The following GRIK2 variants were observed in gnomAD, a reference collection of about 807,000 sequenced individuals.
The protein encoded by GRIK2 is glutamate receptor ionotropic, kainate 2.
A neutral mutation model predicts 100.3 loss-of-function variants in GRIK2; 32 were observed. The ratio of observed to expected loss-of-function variants is 0.32; its 90% CI spans 0.24 to 0.43. The LOEUF is 0.43. Ranked by LOEUF, GRIK2 falls within the 20% of genes least tolerant of loss-of-function variation. GRIK2 has a pLI of 1.00. For missense variants in GRIK2, 843 were observed against 1,114.9 expected, an observed-to-expected ratio of 0.76 and a Z score of 3.47; for synonymous variants, 417 against 389.4, an observed-to-expected ratio of 1.07 and a Z score of -0.83.
At chr6:101,828,672 A>G (rs1368052642) in intron 10 of GRIK2, among the ~76,000 whole-genome samples, 1 of 151,970 alleles carries the variant, frequency 6.6e-6, no homozygotes, top group African/African-American at 2.4e-5. Context: ...AAATCCAGAG[A>G]AACTGAATAA....
chr6:101,829,014 C>A (rs1189300932), intron 10 of GRIK2, among the ~76,000 whole-genome samples: 1 of 151,822 alleles, frequency 6.6e-6, no homozygotes, highest in Non-Finnish European at 1.5e-5. Context: ...AAATTCTCAA[C>A]AAAATGTAAC....
At chr6:101,624,965 T>C (rs1780361988) in intron 3 of GRIK2, among the ~76,000 whole-genome samples, 1 of 152,168 alleles carries the variant, frequency 6.6e-6, no homozygotes, top group South Asian at 2.1e-4. Context: ...AGAGGAGGTC[T>C]CACTGTGTTG....
chr6:101,810,487 TGATTACGAAAGCG>T (rs1231644105), intron 9 of GRIK2, among the ~76,000 whole-genome samples: 1 of 152,092 alleles, frequency 6.6e-6, no homozygotes, highest in Non-Finnish European at 1.5e-5. Context: ...TTCAGGACGC[TGATTACGAAAGCG>T]TTCTTTGCCC....
At chr6:101,961,684 G>A (rs369400279) in intron 14 of GRIK2, among the ~76,000 whole-genome samples, 11 of 152,150 alleles carry the variant, frequency 7.2e-5, no homozygotes, top group East Asian at 3.9e-4. Flanking sequence ...TGCACACTCC[G>A]GTTTTTGTTG....
chr6:101,585,477 A>G (rs1345141948), intron 2 of GRIK2, among the ~76,000 whole-genome samples: 1 of 152,102 alleles, frequency 6.6e-6, no homozygotes, highest in Non-Finnish European at 1.5e-5. Context: ...AGTAATTTAC[A>G]TACCCTAATC....
intron 14 of GRIK2, among the ~76,000 whole-genome samples, chr6:102,026,108 TTACATATA>T (rs1769683451): frequency 1.6e-5 from 1 of 63,364 alleles, no homozygotes. Context: ...ACATATACAC[TTACATATA>T]TATATATATA....
chr6:101,968,136 TAAAA>T (rs963453301), intron 14 of GRIK2, among the ~76,000 whole-genome samples: 1 of 150,740 alleles, frequency 6.6e-6, no homozygotes, highest in Non-Finnish European at 1.5e-5. Flanking sequence ...TTTCAAAAGT[TAAAA>T]AAAAACCATG....
intron 2 of GRIK2, among the ~76,000 whole-genome samples, chr6:101,403,104 C>G (rs993836866): frequency 6.6e-6 from 1 of 152,212 alleles, no homozygotes; most frequent in African/African-American, 2.4e-5. Context: ...GTTCGGGAGC[C>G]CTCACATGTT....
chr6:101,986,463 G>A (rs557737138), intron 14 of GRIK2, among the ~76,000 whole-genome samples: 4 of 151,766 alleles, frequency 2.6e-5, no homozygotes, highest in Admixed American at 2.6e-4. Context: ...ATTTTCTTCT[G>A]CATAGTTTGA....
chr6:101,678,043 C>G (rs1470015631), intron 5 of GRIK2, among the ~76,000 whole-genome samples: 2 of 152,018 alleles, frequency 1.3e-5, no homozygotes, highest in Non-Finnish European at 2.9e-5. Flanking sequence ...TCACATAATT[C>G]CCAAACAATT....
At chr6:101,592,962 AAAC>A (rs1348948752) in intron 2 of GRIK2, among the ~76,000 whole-genome samples, 2 of 151,938 alleles carry the variant, frequency 1.3e-5, no homozygotes, top group Non-Finnish European at 1.5e-5. Context: ...GAACAAATAA[AAAC>A]AAATTACCAG....
intron 2 of GRIK2, among the ~76,000 whole-genome samples, chr6:101,440,784 A>G (rs977480147): frequency 1.3e-5 from 2 of 152,046 alleles, no homozygotes; most frequent in African/African-American, 4.8e-5. Flanking sequence ...AAAGTTTGTA[A>G]CTTCCTGTGT....
intron 2 of GRIK2, among the ~76,000 whole-genome samples, chr6:101,523,032 G>A (rs113514403): frequency 0.021 from 3,170 of 151,700 alleles, 112 homozygotes; most frequent in African/African-American, 0.071. Context: ...GATTTCTTTT[G>A]GATCTCCCAT....
chr6:101,799,480 T>C (rs1194238308), intron 7 of GRIK2, among the ~76,000 whole-genome samples, 168 bp from the exon 8 acceptor site: 4 of 152,132 alleles, frequency 2.6e-5, no homozygotes, highest in Non-Finnish European at 5.9e-5. Context: ...GATCATAATG[T>C]CTTGTTTAAG....
intron 7 of GRIK2, among the ~76,000 whole-genome samples, chr6:101,739,353 A>T (rs541595725): frequency 2.0e-5 from 3 of 152,164 alleles, no homozygotes; most frequent in African/African-American, 7.2e-5. Context: ...TATTCAATCT[A>T]TCTTATAGCT....
At chr6:101,678,905 A>C (rs984713607) in intron 5 of GRIK2, among the ~76,000 whole-genome samples, 1 of 152,206 alleles carries the variant, frequency 6.6e-6, no homozygotes, top group Non-Finnish European at 1.5e-5. Context: ...AGTGAATTTG[A>C]AGTTTTCCTG....
intron 4 of GRIK2, among the ~76,000 whole-genome samples, chr6:101,672,219 T>A (rs956372494): frequency 6.6e-6 from 1 of 152,138 alleles, no homozygotes; most frequent in Non-Finnish European, 1.5e-5. Flanking sequence ...GGAACAGCAA[T>A]GATCTTGTTA....
rs1485889650 is a variant in GRIK2, at chr6:101,916,694, G to T, written c.1749-7907G>T. Among the ~76,000 whole-genome samples, 15 of 151,544 alleles carry T rather than the reference G, an allele frequency of 9.9e-5. No homozygotes were observed. In the East Asian group the frequency reaches 2.3e-3, roughly 24 times the overall value. On this transcript the variant is annotated intron_variant, in intron 12 of 16. Coordinates refer to ENST00000369134, the MANE Select transcript of GRIK2 (RefSeq NM_021956.5). ...AGAGATACCTGATTTATACAAAACT[G>T]AATTTTTATACTAATGTAATAGTTT...
chr6:101,491,344 G>T (rs139753919), intron 2 of GRIK2, among the ~76,000 whole-genome samples: 1 of 150,498 alleles, frequency 6.6e-6, no homozygotes, highest in Non-Finnish European at 1.5e-5. Flanking sequence ...AATTTATACC[G>T]TCAATGTGGA....
Sources: allele counts gnomAD v4.1 joint callset (sites outside exome capture counted in the v4.1 genomes callset), GRCh38; gene constraint gnomAD v4.1.1; transcripts MANE v1.5; gene names NCBI Gene and HGNC (gene_info 2026-07-23, HGNC 2026-07-21).